The following NMD3 variants were observed in gnomAD, a reference collection of about 807,000 sequenced individuals.
NMD3 encodes the protein 60S ribosomal export protein NMD3.
Under a neutral mutation model 73.1 loss-of-function variants are expected in NMD3, and 47 were observed. The observed-to-expected ratio is 0.64, with a 90% CI of 0.51 to 0.82. NMD3 has a LOEUF of 0.82. Among genes scored for constraint, NMD3 ranks in the 40% least tolerant of loss-of-function variants. The pLI is 0.00. For missense variants in NMD3, 554 were observed against 612.5 expected (o/e 0.90, Z 1.01); for synonymous variants, 210 against 194.5 (o/e 1.08, Z -0.66).
intron 7 of NMD3, 46 bp from the exon 8 acceptor site, chr3:161,238,067 C>A: frequency 7.8e-7 from 1 of 1,279,478 alleles, no homozygotes; most frequent in Non-Finnish European, 1.1e-6. Context: ...GAGGAGAATC[C>A]TATTTTGCAT....
chr3:161,240,948 G>A (rs1187008227), intron 9 of NMD3, 98 bp from the exon 10 acceptor site: 3 of 626,524 alleles, frequency 4.8e-6, no homozygotes, highest in South Asian at 5.2e-5. Context: ...TAACGTTTTG[G>A]TTGGTCAAAT....
intron 3 of NMD3, among the ~76,000 whole-genome samples, chr3:161,226,602 A>G (rs1013241556): frequency 6.6e-6 from 1 of 152,190 alleles, no homozygotes; most frequent in Non-Finnish European, 1.5e-5. Context: ...CATGTTTGGA[A>G]GTATTTTATA....
chr3:161,225,054 C>T lies in NMD3; in HGVS notation c.169C>T (p.Gln57Ter). Residue 57 changes from glutamine (Q) to a stop codon, truncating the protein, a stop_gained, in exon 3 of 16, where the codon CAA becomes TAA. Coordinates refer to ENST00000351193, the MANE Select transcript of NMD3 (RefSeq NM_015938.5). LOFTEE classifies it high-confidence loss of function. The part of the protein sequence containing the change: ...PKQVSISFCK[Q>*]CQRYFQPPGT... Reference sequence around the variant, plus strand: ...ACAAGTCTCGATTTCGTTCTGCAAACAATGTCAAAGGTACAGTGCGGTACA... The same window carrying T: ...ACAAGTCTCGATTTCGTTCTGCAAATAATGTCAAAGGTACAGTGCGGTACA... 6.2e-7 allele frequency: 1 copy of T among 1,613,580 alleles called. No individual in the cohort carries two copies. The highest frequency in any genetic ancestry group is 8.5e-7 in the Non-Finnish European group (1 of 1,179,864).
At chr3:161,222,156 C>T in intron 2 of NMD3, 99 bp downstream of exon 2, 1 of 908,606 alleles carries the variant, frequency 1.1e-6, no homozygotes, top group Non-Finnish European at 1.8e-6. Context: ...TGGGAAAGAG[C>T]GTATATTGTC....
At chr3:161,227,798 A>T (rs1377427504) in intron 4 of NMD3, among the ~76,000 whole-genome samples, 1 of 152,084 alleles carries the variant, frequency 6.6e-6, no homozygotes, top group East Asian at 1.9e-4. Flanking sequence ...CCCACTACAA[A>T]CACTTTTTAA....
At chr3:161,243,540 A>G (rs1420335294) in intron 11 of NMD3, among the ~76,000 whole-genome samples, 2 of 152,146 alleles carry the variant, frequency 1.3e-5, no homozygotes, top group Admixed American at 1.3e-4. Flanking sequence ...TCTTTTATTT[A>G]ATAATAGTCC....
intron 9 of NMD3, among the ~76,000 whole-genome samples, chr3:161,240,629 G>C (rs1365956566): frequency 1.3e-5 from 2 of 149,824 alleles, no homozygotes; most frequent in African/African-American, 4.9e-5. Context: ...GGCCCAGGCT[G>C]TCATTCCACC....
chr3:161,249,514 A>G lies in NMD3; in HGVS notation c.1264A>G (p.Lys422Glu), dbSNP rs201827206. 2.5e-6 allele frequency: 4 copies of G among 1,613,054 alleles called. No individual in the cohort carries two copies. The highest frequency in any genetic ancestry group is 3.4e-6 in the Non-Finnish European group (4 of 1,179,360). Reference protein sequence around the residue: ...KRQRRRNWKLKELARERENMD... With the variant: ...KRQRRRNWKLEELARERENMD... Reference sequence around the variant, plus strand: ...TCAGCGTCGTAGAAACTGGAAATTGAAAGAGCTTGCAAGAGAGAGAGAAAA... The same window carrying G: ...TCAGCGTCGTAGAAACTGGAAATTGGAAGAGCTTGCAAGAGAGAGAGAAAA... Residue 422 changes from lysine to glutamate, a missense_variant, in exon 14 of 16, where the codon AAA (lysine) becomes GAA (glutamate). By Grantham distance (56) the Lys-to-Glu change is moderately conservative. Transcript: ENST00000351193.
chr3:161,252,676 G>A, downstream of NMD3: 1 of 538,990 alleles, frequency 1.9e-6, no homozygotes, highest in South Asian at 2.3e-5. Context: ...TTATGGCTTG[G>A]GAAGGCTGGT....
rs1465493077 is a variant in NMD3 at position 161,251,765 on chromosome 3, G to A, written c.*855G>A. The A allele has an allele frequency of 6.6e-6, 1 of 152,106 alleles. No homozygotes were observed. The highest frequency in any genetic ancestry group is 1.5e-5 in the Non-Finnish European group (1 of 68,030). The allele number at this position is 152,106 out of a possible 1,614,324, so 9.4% of individuals were successfully genotyped here. A position where few individuals can be genotyped will look rare whatever the true frequency, so the allele number is the denominator to read the frequency against. On this transcript the variant is annotated 3_prime_UTR_variant, in exon 16 of 16. Coordinates refer to ENST00000351193, the MANE Select transcript of NMD3 (RefSeq NM_015938.5). The stretch of plus-strand genomic sequence containing the variant: ...CCATTAAAAAGAATATTAGAATCCA[G>A]CATGAAGATAATGGCTAATAAAAAT...
intron 2 of NMD3, among the ~76,000 whole-genome samples, chr3:161,224,319 ACATTTCTGTCGTGG>A (rs1370434137): frequency 6.6e-6 from 1 of 152,198 alleles, no homozygotes; most frequent in Non-Finnish European, 1.5e-5. Context: ...CCAGAATAGA[ACATTTCTGTCGTGG>A]CATGAAATTC....
chr3:161,234,402 G>A (rs913979532), intron 5 of NMD3, among the ~76,000 whole-genome samples: 3 of 150,748 alleles, frequency 2.0e-5, no homozygotes, highest in Admixed American at 1.3e-4. Flanking sequence ...ACTCCAGGCT[G>A]GGCAACAGGC....
At chr3:161,244,018 T>C (rs1295248578) in intron 11 of NMD3, among the ~76,000 whole-genome samples, 1 of 152,188 alleles carries the variant, frequency 6.6e-6, no homozygotes, top group Non-Finnish European at 1.5e-5. Context: ...GGTTACAAAA[T>C]GGTGAATTTT....
rs372584624 is a variant in NMD3 at position 161,249,588 on chromosome 3, T to C, written c.1310+28T>C. 9.0e-6 allele frequency: 12 copies of C among 1,336,634 alleles called. No homozygotes were observed. The African/African-American group carries it at 1.0e-4, about 11-fold the overall frequency. 82.8% of individuals were successfully genotyped at this position (1,336,634 alleles called of 1,614,324 possible). A position where few individuals can be genotyped will look rare whatever the true frequency, so the allele number is the denominator to read the frequency against. Reference sequence around the variant, plus strand: ...CTCGCTTTTCTTTAAATCTCTTATGTTGTCTCAAAGGAAATATTTATGATA... The same window carrying C: ...CTCGCTTTTCTTTAAATCTCTTATGCTGTCTCAAAGGAAATATTTATGATA... On this transcript the variant is annotated intron_variant, in intron 14 of 15. Coordinates refer to ENST00000351193, the MANE Select transcript of NMD3 (RefSeq NM_015938.5).
intron 13 of NMD3, 107 bp downstream of exon 13, chr3:161,247,437 G>T (rs748396524): frequency 1.3e-4 from 82 of 616,930 alleles, no homozygotes; most frequent in Non-Finnish European, 2.1e-4. Context: ...AATCAATTTA[G>T]AGATTTCTGA....
At chr3:161,240,815 T>A (rs1041798828) in intron 9 of NMD3, among the ~76,000 whole-genome samples, 6 of 150,894 alleles carry the variant, frequency 4.0e-5, no homozygotes, top group Non-Finnish European at 7.4e-5. Flanking sequence ...ATTACAGGAG[T>A]GAGCCAGCGT....
At chr3:161,238,298 A>G (rs1736845669) in intron 8 of NMD3, 107 bp downstream of exon 8, 2 of 744,144 alleles carry the variant, frequency 2.7e-6, no homozygotes, top group Non-Finnish European at 2.3e-6. Context: ...AAATCGTAGT[A>G]GAAATACTTA....
At chr3:161,231,163 T>A (rs544542660) in intron 4 of NMD3, among the ~76,000 whole-genome samples, 1 of 152,322 alleles carries the variant, frequency 6.6e-6, no homozygotes, top group South Asian at 2.1e-4. Context: ...AGAATAATTT[T>A]GATTATTGAT....
At chr3:161,252,713 T>A, downstream of NMD3, 1 of 621,454 alleles carries the variant, frequency 1.6e-6, no homozygotes, top group Non-Finnish European at 2.9e-6. Context: ...AGAACATGAT[T>A]TATAACCAAT....
Sources: gnomAD v4.1 joint callset for allele counts (sites outside exome capture counted in the v4.1 genomes callset) on GRCh38, gnomAD v4.1.1 for gene constraint, MANE v1.5 for transcripts, NCBI Gene and HGNC (gene_info 2026-07-23, HGNC 2026-07-21) for gene names.